SNRPN: variants seen among roughly 807,000 people sequenced by gnomAD.
The protein encoded by SNRPN is small nuclear ribonucleoprotein-associated protein N.
In SNRPN, 7 loss-of-function variants were observed where a neutral mutation model predicts 25.2. The observed-to-expected ratio is 0.28, with a 90% confidence interval of 0.16 to 0.52. The LOEUF (loss-of-function observed/expected upper bound fraction) is 0.52. Ranked by LOEUF, SNRPN falls within the 20% of genes least tolerant of loss-of-function variation. The probability of loss-of-function intolerance (pLI) is 0.96; values close to 1 mark genes in which losing one functional copy is unlikely to be tolerated. For synonymous variants in SNRPN, 124 were observed against 110.6 expected (o/e 1.12, Z -0.76); for missense variants, 196 against 322.5 (o/e 0.61, Z 3.00).
upstream of SNRPN, among the ~76,000 whole-genome samples, chr15:24,852,906 C>T (rs1017990830): frequency 6.6e-6 from 1 of 151,912 alleles, no homozygotes; most frequent in African/African-American, 2.4e-5. Context: ...AGCGCTCCAA[C>T]CTGGGCAAGA....
intron 1 of SNRPN, among the ~76,000 whole-genome samples, chr15:24,955,732 T>G (rs2062735721): frequency 7.0e-6 from 1 of 143,636 alleles, no homozygotes; most frequent in Admixed American, 6.9e-5. Context: ...AGGAAGTGGC[T>G]GGGAGGTAGG....
chr15:24,939,610 T>C (rs2061426762), intron 3 of SNRPN, among the ~76,000 whole-genome samples: 1 of 152,120 alleles, frequency 6.6e-6, no homozygotes, highest in African/African-American at 2.4e-5. Flanking sequence ...TTTTTGTATC[T>C]TTAGTAGAGA....
At chr15:24,909,230 T>G in intron 2 of SNRPN, 1 of 1,565,470 alleles carries the variant, frequency 6.4e-7, no homozygotes, top group Non-Finnish European at 8.7e-7. Flanking sequence ...GCCCATGATG[T>G]GCTTCCGGTG....
intron 1 of SNRPN, among the ~76,000 whole-genome samples, chr15:24,878,611 A>G (rs2056247134): frequency 6.6e-6 from 1 of 152,122 alleles, no homozygotes; most frequent in Non-Finnish European, 1.5e-5. Context: ...CTTGCACTTT[A>G]TGTGTGCATT....
chr15:24,945,012 A>G (rs1255635244), intron 3 of SNRPN, among the ~76,000 whole-genome samples: 1 of 152,170 alleles, frequency 6.6e-6, no homozygotes, highest in East Asian at 1.9e-4. Context: ...TGTTAATCCC[A>G]TCTCAAAACA....
chr15:24,969,529 G>A (rs2076135337), intron 3 of SNRPN, among the ~76,000 whole-genome samples: 1 of 152,108 alleles, frequency 6.6e-6, no homozygotes, highest in South Asian at 2.1e-4. Flanking sequence ...TAAGCAAATT[G>A]GAATCTAATC....
intron 3 of SNRPN, among the ~76,000 whole-genome samples, chr15:24,949,932 G>C (rs2062135402): frequency 6.6e-6 from 1 of 151,336 alleles, no homozygotes; most frequent in East Asian, 2.0e-4. Flanking sequence ...GGCTCAAGCA[G>C]TCCTCCCACC....
At position 24,872,313 on chromosome 15, in the gene SNRPN, G is replaced by A. The variant is rs1481507186; in HGVS notation, c.-578-14203G>A. On this transcript the variant is annotated intron_variant, in intron 1 of 11. Coordinates refer to the SNRPN transcript ENST00000400097. ...CTCCCAAGAGGCTAGGATTACAGGT[G>A]CCTGCCACCACACTAGGCTAATTTT... Among the ~76,000 whole-genome samples, 5 of 117,312 alleles carry A rather than the reference G, an allele frequency of 4.3e-5. 2 individuals carry two copies. Among genetic ancestry groups the A allele is most frequent in the Non-Finnish European group, 3.8e-5 (2 of 53,244 alleles). 77.0% of individuals were successfully genotyped at this position (117,312 alleles called of 152,430 possible).
chr15:24,827,387 C>T (rs115611602), intron 1 of SNRPN, among the ~76,000 whole-genome samples: 2,736 of 151,496 alleles, frequency 0.018, 104 homozygotes, highest in African/African-American at 0.063. Flanking sequence ...CGGTGGCGGG[C>T]GCCTGTAGTC....
At chr15:24,868,047 T>C (rs2054743846) in intron 1 of SNRPN, among the ~76,000 whole-genome samples, 1 of 152,060 alleles carries the variant, frequency 6.6e-6, no homozygotes, top group South Asian at 2.1e-4. Context: ...AAACAAAAAT[T>C]GTAGCCATTT....
upstream of SNRPN, among the ~76,000 whole-genome samples, chr15:24,854,007 A>AT (rs1011624933): frequency 1.3e-5 from 2 of 152,032 alleles, no homozygotes; most frequent in African/African-American, 4.8e-5. Flanking sequence ...TGTTTTATAT[A>AT]TTTTTTCACT....
At chr15:24,837,136 A>G (rs559841294) in intron 2 of SNRPN, among the ~76,000 whole-genome samples, 259 of 152,078 alleles carry the variant, frequency 1.7e-3, no homozygotes, top group Non-Finnish European at 2.9e-3. Flanking sequence ...ATGAATAGAG[A>G]TTTCAAGCTA....
chr15:24,975,874 G>A (rs929109428), intron 5 of SNRPN, among the ~76,000 whole-genome samples: 1 of 152,116 alleles, frequency 6.6e-6, no homozygotes, highest in African/African-American at 2.4e-5. Flanking sequence ...CATGGTTGAG[G>A]AGTTGGGATA....
At chr15:24,909,733 G>C (rs4906695) in intron 2 of SNRPN, 201,208 of 1,245,622 alleles carry the variant, frequency 0.16, 17,713 homozygotes, top group East Asian at 0.32. Context: ...TCCGAGTATC[G>C]TAATCAGTTT....
chr15:24,877,640 T>C (rs991366319), intron 1 of SNRPN, among the ~76,000 whole-genome samples: 4 of 150,070 alleles, frequency 2.7e-5, no homozygotes, highest in East Asian at 2.0e-4. Flanking sequence ...GCCTGGCCAA[T>C]ATGGTGAAAC....
At chr15:24,828,927 G>A (rs368751123) in intron 1 of SNRPN, among the ~76,000 whole-genome samples, 1 of 152,040 alleles carries the variant, frequency 6.6e-6, no homozygotes, top group East Asian at 1.9e-4. Context: ...TAAGGATGGG[G>A]AGGCTGGAGA....
In SNRPN at chr15:24,872,156, G is replaced by A. The variant is rs751712567; in HGVS notation, c.-578-14360G>A. ...GAAACCATTAATTTCAGACCATGAA[G>A]ATACATTTTTAAAATAACTTTTTTT... On this transcript the variant is annotated intron_variant, in intron 1 of 11. Transcript: ENST00000400097. 3.3e-5 allele frequency among the ~76,000 whole-genome samples: 4 copies of A among 120,136 alleles called. 1 individual carries two copies. Among genetic ancestry groups the A allele is most frequent in the Non-Finnish European group, 5.5e-5 (3 of 54,806 alleles). 78.8% of individuals were successfully genotyped at this position (120,136 alleles called of 152,430 possible).
chr15:24,893,020 T>C (rs10873596), intron 2 of SNRPN, among the ~76,000 whole-genome samples: 126,382 of 151,858 alleles, frequency 0.83, 52,841 homozygotes, highest in East Asian at 0.99. Context: ...ACCAGCCTGA[T>C]CAACATGGTG....
At chr15:24,864,025 T>G (rs976112661) in intron 1 of SNRPN, among the ~76,000 whole-genome samples, 2 of 148,214 alleles carry the variant, frequency 1.3e-5, no homozygotes, top group African/African-American at 5.0e-5. Flanking sequence ...ATTTTTATTT[T>G]ATTATTATTT....
Sources: allele counts gnomAD v4.1 joint callset (sites outside exome capture counted in the v4.1 genomes callset), GRCh38; gene constraint gnomAD v4.1.1; transcripts MANE v1.5; gene names NCBI Gene and HGNC (gene_info 2026-07-23, HGNC 2026-07-21).